The following ESRRG variants were observed in gnomAD, a reference collection of about 807,000 sequenced individuals.
The protein encoded by ESRRG is estrogen-related receptor gamma.
A neutral mutation model predicts 44.0 loss-of-function variants in ESRRG; 13 were observed. The observed-to-expected ratio is 0.30, with a 90% CI of 0.19 to 0.47. ESRRG has a LOEUF of 0.47. ESRRG is among the 20% of genes least tolerant of loss of function. The probability of loss-of-function intolerance (pLI) is 1.00; values close to 1 mark genes in which losing one functional copy is unlikely to be tolerated. For missense variants in ESRRG, 395 were observed against 580.6 expected, an observed-to-expected ratio of 0.68 and a Z score of 3.29; for synonymous variants, 215 against 214.6, an observed-to-expected ratio of 1.00 and a Z score of -0.02.
At chr1:216,714,739 A>G (rs889597360) in intron 1 of ESRRG, 1 of 164,620 alleles carries the variant, frequency 6.1e-6, no homozygotes, top group Non-Finnish European at 1.3e-5. Context: ...ATATAAAGAC[A>G]TGAAAAAAGA....
intron 1 of ESRRG, among the ~76,000 whole-genome samples, chr1:217,016,891 C>T (rs548731763): frequency 2.2e-4 from 34 of 152,218 alleles, no homozygotes; most frequent in Non-Finnish European, 2.9e-4. Flanking sequence ...TCTAGGCATA[C>T]GTCCATACAG....
At position 216,526,225 on chromosome 1, in the gene ESRRG, C is replaced by T. The variant is rs115154886; in HGVS notation, c.863-6804G>A. On this transcript the variant is annotated intron_variant, in intron 5 of 6. Coordinates refer to ENST00000408911, the MANE Select transcript of ESRRG (RefSeq NM_001438.4). The stretch of plus-strand genomic sequence containing the variant: ...GATGATCTGACTTGTGCCATCCCAC[C>T]CAAAAGATGTTAGAGTCCTAACCTC... Among the ~76,000 whole-genome samples, 1,301 of 152,134 alleles carry T rather than the reference C, an allele frequency of 8.6e-3. 17 individuals carry two copies. Among genetic ancestry groups the T allele is most frequent in the African/African-American group, 0.029 (1,205 of 41,502 alleles).
At chr1:216,757,394 C>G (rs987694229) in intron 2 of ESRRG, among the ~76,000 whole-genome samples, 15 of 152,108 alleles carry the variant, frequency 9.9e-5, no homozygotes, top group Admixed American at 6.6e-4. Flanking sequence ...CAAACCATCT[C>G]TATAATAAGC....
intron 3 of ESRRG, among the ~76,000 whole-genome samples, chr1:216,632,212 TCCCTA>T (rs2064346032): frequency 6.6e-6 from 1 of 152,328 alleles, no homozygotes; most frequent in Non-Finnish European, 1.5e-5. Flanking sequence ...ACCTTGTGTC[TCCCTA>T]CCCTGACTTT....
chr1:216,673,381 G>A (rs527484126), intron 2 of ESRRG, among the ~76,000 whole-genome samples: 2 of 152,346 alleles, frequency 1.3e-5, no homozygotes, highest in African/African-American at 4.8e-5. Flanking sequence ...ACAGTGTGAT[G>A]TCTGATGATG....
chr1:217,117,437 T>A (rs1459797836), intron 1 of ESRRG, among the ~76,000 whole-genome samples: 1 of 151,836 alleles, frequency 6.6e-6, no homozygotes, highest in Non-Finnish European at 1.5e-5. Context: ...CAAAAAAACC[T>A]AGCTAAGGGT....
intron 1 of ESRRG, among the ~76,000 whole-genome samples, chr1:217,037,750 T>C (rs911665865): frequency 6.6e-6 from 1 of 152,004 alleles, no homozygotes; most frequent in African/African-American, 2.4e-5. Context: ...GCAAGTCCCT[T>C]CCACCAAGAG....
chr1:216,727,090 A>C (rs1159844428), upstream of ESRRG, among the ~76,000 whole-genome samples: 1 of 152,318 alleles, frequency 6.6e-6, no homozygotes. Context: ...ACTAACCTTC[A>C]TTAAAATGTT....
intron 2 of ESRRG, among the ~76,000 whole-genome samples, chr1:216,889,266 T>C (rs183780422): frequency 6.6e-6 from 1 of 152,262 alleles, no homozygotes; most frequent in Admixed American, 6.5e-5. Context: ...GACTGGACAT[T>C]TCTAAGAAGG....
At chr1:216,778,516 TC>T (rs1393537438) in intron 2 of ESRRG, among the ~76,000 whole-genome samples, 2 of 151,774 alleles carry the variant, frequency 1.3e-5, no homozygotes, top group African/African-American at 2.4e-5. Context: ...GGTCTATAGA[TC>T]CCTGGGTCAC....
At chr1:217,116,824 T>G (rs2092735537) in intron 1 of ESRRG, among the ~76,000 whole-genome samples, 1 of 152,148 alleles carries the variant, frequency 6.6e-6, no homozygotes, top group African/African-American at 2.4e-5. Context: ...GGGATGGTGG[T>G]AGGCATGGAG....
At chr1:216,589,616 A>T (rs2057301322) in intron 3 of ESRRG, among the ~76,000 whole-genome samples, 1 of 152,118 alleles carries the variant, frequency 6.6e-6, no homozygotes, top group African/African-American at 2.4e-5. Flanking sequence ...ATCCAAACTA[A>T]GGGAAGAGAA....
intron 5 of ESRRG, among the ~76,000 whole-genome samples, chr1:216,524,341 A>G (rs1427216047): frequency 4.1e-5 from 6 of 147,836 alleles, no homozygotes; most frequent in African/African-American, 1.6e-4. Flanking sequence ...TAGGAGCTAG[A>G]GTTAAGCAGC....
intron 2 of ESRRG, among the ~76,000 whole-genome samples, chr1:216,765,172 T>C (rs2093011535): frequency 6.6e-6 from 1 of 152,022 alleles, no homozygotes; most frequent in South Asian, 2.1e-4. Context: ...GAGATTGTCC[T>C]GGAGGGGCAG....
chr1:216,806,543 T>C (rs1450009627), intron 2 of ESRRG, among the ~76,000 whole-genome samples: 1 of 152,182 alleles, frequency 6.6e-6, no homozygotes, highest in Non-Finnish European at 1.5e-5. Context: ...GGCATGACGA[T>C]GCAAAAGAAT....
rs1175265365 is a variant in ESRRG, at chr1:216,638,400, C to T, written c.589+12573G>A. On this transcript the variant is annotated intron_variant, in intron 3 of 6. Transcript: ENST00000408911. ...TCTCTGCACTATCCAATATGGTAGC[C>T]ATCAGCCATGTGGGGGCTACTTAAT... 2.0e-5 allele frequency among the ~76,000 whole-genome samples: 3 copies of T among 152,090 alleles called. No individual in the cohort carries two copies. In the South Asian group the frequency reaches 6.2e-4, roughly 32 times the overall value.
At chr1:216,858,157 G>T (rs1379518868) in intron 2 of ESRRG, among the ~76,000 whole-genome samples, 1 of 152,092 alleles carries the variant, frequency 6.6e-6, no homozygotes, top group Admixed American at 6.6e-5. Flanking sequence ...AATAATTAAG[G>T]CTGGGTGCAG....
chr1:217,099,510 T>G (rs1245963162), intron 1 of ESRRG, among the ~76,000 whole-genome samples: 1 of 152,172 alleles, frequency 6.6e-6, no homozygotes, highest in Non-Finnish European at 1.5e-5. Flanking sequence ...TAATATAATG[T>G]GGATAGCCAT....
intron 1 of ESRRG, among the ~76,000 whole-genome samples, chr1:217,054,299 G>A (rs528929857): frequency 6.6e-6 from 1 of 152,246 alleles, no homozygotes; most frequent in South Asian, 2.1e-4. Flanking sequence ...TACTGGGGGG[G>A]AGCATAAATG....
Sources: gnomAD v4.1 joint callset for allele counts (sites outside exome capture counted in the v4.1 genomes callset) on GRCh38, gnomAD v4.1.1 for gene constraint, MANE v1.5 for transcripts, NCBI Gene and HGNC (gene_info 2026-07-23, HGNC 2026-07-21) for gene names.